The following FER variants were observed in gnomAD, a reference collection of about 807,000 sequenced individuals.
The protein encoded by FER is tyrosine-protein kinase Fer.
A neutral mutation model predicts 111.0 loss-of-function variants in FER; 63 were observed. The observed-to-expected ratio is 0.57, with a 90% CI of 0.46 to 0.70. The LOEUF is 0.70. Ranked by LOEUF, FER falls within the 30% of genes least tolerant of loss-of-function variation. The pLI, the probability that FER is intolerant of heterozygous loss-of-function variation, is 0.00. For missense variants in FER, 914 were observed against 954.0 expected (o/e 0.96, Z 0.55); for synonymous variants, 327 against 313.9 (o/e 1.04, Z -0.44).
chr5:108,930,929 A>G (rs374935473), intron 10 of FER, among the ~76,000 whole-genome samples: 1 of 152,024 alleles, frequency 6.6e-6, no homozygotes, highest in South Asian at 2.1e-4. Flanking sequence ...CATTAGTTCT[A>G]TGAATAATTT....
At position 109,188,530 on chromosome 5, in the gene FER, T is replaced by TAAAG. The variant is rs1242878956; in HGVS notation, c.*958_*961dup. ...AGGGTGGGCTGGAGAACAGAGCAGC[T>TAAAG]AAAGAATGATTAACAGAGTAAAGAA... On this transcript the variant is annotated 3_prime_UTR_variant, in exon 20 of 20. Coordinates refer to ENST00000281092, the MANE Select transcript of FER (RefSeq NM_005246.4). The TAAAG allele has an allele frequency of 1.3e-5, 2 of 151,952 alleles. No homozygotes were observed. The highest frequency in any genetic ancestry group is 2.9e-5 in the Non-Finnish European group (2 of 68,002). 9.4% of individuals were successfully genotyped at this position (151,952 alleles called of 1,614,324 possible).
At chr5:109,126,004 G>T (rs1457975604) in intron 17 of FER, among the ~76,000 whole-genome samples, 2 of 151,952 alleles carry the variant, frequency 1.3e-5, no homozygotes, top group African/African-American at 4.8e-5. Context: ...CATATCTATA[G>T]CTGTTTTTTT....
rs533556388 is a variant in FER, at chr5:109,018,790, A to T, written c.1657-18632A>T. 3.3e-5 allele frequency among the ~76,000 whole-genome samples: 5 copies of T among 151,872 alleles called. No individual in the cohort carries two copies. In the South Asian group the frequency reaches 1.0e-3, roughly 31 times the overall value. On this transcript the variant is annotated intron_variant, in intron 13 of 19. Transcript: ENST00000281092. ...TGTAAGCAAAATATGAACCTTTAGA[A>T]GGGACTTAAGTAGTAGAGTTGGATT...
At chr5:109,051,990 G>A in intron 16 of FER, 13 of 1,585,136 alleles carry the variant, frequency 8.2e-6, no homozygotes, top group African/African-American at 1.3e-5. Context: ...GGATACTGAT[G>A]ATGTAGGTTC....
At chr5:109,037,137 G>A (rs939671005) in intron 13 of FER, among the ~76,000 whole-genome samples, 2 of 152,020 alleles carry the variant, frequency 1.3e-5, no homozygotes, top group Non-Finnish European at 2.9e-5. Flanking sequence ...AAACTTTATG[G>A]TTGGTGGAAA....
chr5:108,880,345 T>C (rs1765559253), intron 8 of FER, among the ~76,000 whole-genome samples: 2 of 152,164 alleles, frequency 1.3e-5, no homozygotes, highest in Admixed American at 6.6e-5. Flanking sequence ...AAGGCAGTGA[T>C]AAGAAGCTGG....
At chr5:108,877,898 T>A (rs1386806400) in intron 8 of FER, among the ~76,000 whole-genome samples, 1 of 152,042 alleles carries the variant, frequency 6.6e-6, no homozygotes, top group Non-Finnish European at 1.5e-5. Context: ...ATAGTAAAGG[T>A]TTTAAGACTT....
intron 17 of FER, among the ~76,000 whole-genome samples, chr5:109,112,836 G>C (rs562704814): frequency 8.5e-5 from 13 of 152,220 alleles, no homozygotes; most frequent in African/African-American, 2.4e-4. Context: ...TTCCAGCAGT[G>C]CATCTTATAA....
At chr5:108,911,014 G>C (rs971716340) in intron 10 of FER, among the ~76,000 whole-genome samples, 47 of 152,140 alleles carry the variant, frequency 3.1e-4, no homozygotes, top group African/African-American at 1.1e-3. Flanking sequence ...AATAGTAGTA[G>C]TTCTATTTTT....
intron 16 of FER, among the ~76,000 whole-genome samples, chr5:109,075,239 A>G (rs1247861403): frequency 6.6e-6 from 1 of 152,168 alleles, no homozygotes; most frequent in Non-Finnish European, 1.5e-5. Context: ...ATGTAAAAAA[A>G]TGTAGTTATT....
At chr5:109,017,321 A>G (rs1489780631) in intron 13 of FER, among the ~76,000 whole-genome samples, 2 of 152,004 alleles carry the variant, frequency 1.3e-5, no homozygotes, top group East Asian at 1.9e-4. Flanking sequence ...AAAAGACAAG[A>G]TAGTTATTAT....
intron 5 of FER, among the ~76,000 whole-genome samples, chr5:108,848,520 A>C (rs1762243706): frequency 6.6e-6 from 1 of 152,120 alleles, no homozygotes; most frequent in African/African-American, 2.4e-5. Context: ...ACTATAATAT[A>C]CCTTTAACTG....
At chr5:109,091,140 A>G (rs76567078) in intron 16 of FER, among the ~76,000 whole-genome samples, 5 of 152,348 alleles carry the variant, frequency 3.3e-5, no homozygotes, top group Non-Finnish European at 5.9e-5. Context: ...GACAGAGGCT[A>G]TTCATCAAAA....
chr5:108,857,564 T>C (rs79497360), intron 5 of FER, among the ~76,000 whole-genome samples: 2,427 of 152,242 alleles, frequency 0.016, 75 homozygotes, highest in African/African-American at 0.056. Flanking sequence ...GGTGTTACTC[T>C]TCAGATTTTC....
intron 2 of FER, among the ~76,000 whole-genome samples, chr5:108,771,230 G>A (rs776727092): frequency 1.3e-5 from 2 of 152,058 alleles, no homozygotes; most frequent in African/African-American, 2.4e-5. Context: ...CACCATGCCC[G>A]GCCCCTCTGA....
intron 16 of FER, chr5:109,051,186 A>C: frequency 1.5e-6 from 1 of 688,844 alleles, no homozygotes; most frequent in Non-Finnish European, 2.6e-6. Context: ...TGTGTTTTCT[A>C]AGCCTCATGA....
Position 109,146,210 on chromosome 5 carries a change from T to TTTATATATATATTATCTATCTAA in FER, c.2049-34536_2049-34535insTATATATATATTATCTATCTAAT, listed in dbSNP as rs1561953365. Among the ~76,000 whole-genome samples, 116 of 95,306 alleles carry TTTATATATATATTATCTATCTAA rather than the reference T, an allele frequency of 1.2e-3. 3 individuals are homozygous for TTTATATATATATTATCTATCTAA. The highest frequency in any genetic ancestry group is 4.1e-3 in the African/African-American group (106 of 25,742). The allele number at this position is 95,306 out of a possible 152,430, so 62.5% of individuals were successfully genotyped here. ...TACATATATATATAATCTATCTATT[T>TTTATATATATATTATCTATCTAA]TATATATATATATTATCTATCTAAT... On this transcript the variant is annotated intron_variant, in intron 17 of 19. Transcript: ENST00000281092.
chr5:108,774,213 C>G, intron 2 of FER, among the ~76,000 whole-genome samples: 1 of 152,084 alleles, frequency 6.6e-6, no homozygotes, highest in South Asian at 2.1e-4. Context: ...TCATCCATGT[C>G]CCTGTAAAAG....
intron 13 of FER, among the ~76,000 whole-genome samples, chr5:109,029,255 T>G (rs1354663071): frequency 1.3e-5 from 2 of 150,150 alleles, no homozygotes; most frequent in Non-Finnish European, 3.0e-5. Flanking sequence ...CTTTTTTTTT[T>G]TATTATTATA....
Sources: allele counts gnomAD v4.1 joint callset (sites outside exome capture counted in the v4.1 genomes callset), GRCh38; gene constraint gnomAD v4.1.1; transcripts MANE v1.5; gene names NCBI Gene and HGNC (gene_info 2026-07-23, HGNC 2026-07-21).